VRK2: variants seen among roughly 807,000 people sequenced by gnomAD.
The protein encoded by VRK2 is VRK serine/threonine kinase 2.
In VRK2, 60 loss-of-function variants were observed where a neutral mutation model predicts 57.6. The ratio of observed to expected loss-of-function variants is 1.04; its 90% CI spans 0.85 to 1.29. The LOEUF is 1.29. Ranked by LOEUF, VRK2 falls within the 50% of genes most tolerant of loss-of-function variation. The pLI is 0.00. For synonymous variants in VRK2, 231 were observed against 199.2 expected, an observed-to-expected ratio of 1.16 and a Z score of -1.35; for missense variants, 705 against 588.1, an observed-to-expected ratio of 1.20 and a Z score of -2.06.
chr2:58,022,172 A>G (rs1236874077), intron 1 of VRK2, among the ~76,000 whole-genome samples: 1 of 152,218 alleles, frequency 6.6e-6, no homozygotes, highest in African/African-American at 2.4e-5. Context: ...TCAGGCTCAC[A>G]AAATAGTGTC....
At chr2:57,972,941 T>A (rs1296452623) in intron 1 of VRK2, among the ~76,000 whole-genome samples, 1 of 151,926 alleles carries the variant, frequency 6.6e-6, no homozygotes, top group Non-Finnish European at 1.5e-5. Context: ...GCATTTGGGT[T>A]CTTTCTAGTC....
chr2:57,914,968 T>C (rs1670101113), intron 1 of VRK2, among the ~76,000 whole-genome samples: 2 of 152,150 alleles, frequency 1.3e-5, no homozygotes, highest in South Asian at 4.1e-4. Flanking sequence ...TTGTGATGTT[T>C]ACTGTTGATT....
chr2:58,146,198 T>A (rs1682095634), intron 11 of VRK2, 118 bp from the exon 12 acceptor site: 3 of 890,626 alleles, frequency 3.4e-6, no homozygotes, highest in Non-Finnish European at 4.8e-6. Flanking sequence ...CTTTCCTCTT[T>A]ATTTCCTTTT....
intron 1 of VRK2, among the ~76,000 whole-genome samples, chr2:57,990,900 T>C (rs1672745534): frequency 6.6e-6 from 1 of 150,624 alleles, no homozygotes; most frequent in African/African-American, 2.4e-5. Flanking sequence ...CACACACAAT[T>C]AAACAAAAGT....
At chr2:57,966,633 T>C (rs546980104) in intron 1 of VRK2, among the ~76,000 whole-genome samples, 10 of 152,264 alleles carry the variant, frequency 6.6e-5, no homozygotes, top group Non-Finnish European at 5.9e-5. Flanking sequence ...TAAATATATG[T>C]ACAAACGCTT....
At chr2:57,941,165 T>G (rs1671081376) in intron 1 of VRK2, among the ~76,000 whole-genome samples, 1 of 152,166 alleles carries the variant, frequency 6.6e-6, no homozygotes, top group Non-Finnish European at 1.5e-5. Flanking sequence ...CTGTGGATAA[T>G]CCTTTTGGTC....
At chr2:57,952,681 C>T (rs185833110) in intron 1 of VRK2, among the ~76,000 whole-genome samples, 35 of 151,662 alleles carry the variant, frequency 2.3e-4, no homozygotes, top group African/African-American at 7.5e-4. Flanking sequence ...TCTCATTTGC[C>T]TCTCAAAATA....
intron 2 of VRK2, among the ~76,000 whole-genome samples, chr2:58,052,754 G>T (rs1410877896): frequency 2.0e-5 from 3 of 152,096 alleles, no homozygotes; most frequent in African/African-American, 7.2e-5. Context: ...GTCAGCATAA[G>T]ACTTTATGAC....
chr2:57,927,539 T>C (rs940894783), intron 1 of VRK2, among the ~76,000 whole-genome samples: 1 of 152,198 alleles, frequency 6.6e-6, no homozygotes, highest in Non-Finnish European at 1.5e-5. Context: ...CCTCCCAAAC[T>C]GATGGGCATA....
At chr2:58,059,735 T>G (rs1418395422) in intron 2 of VRK2, among the ~76,000 whole-genome samples, 1 of 151,786 alleles carries the variant, frequency 6.6e-6, no homozygotes, top group African/African-American at 2.4e-5. Context: ...GTTAGAACAT[T>G]TCATGTAGTG....
At chr2:57,988,204 C>G (rs951727333) in intron 1 of VRK2, among the ~76,000 whole-genome samples, 1 of 152,152 alleles carries the variant, frequency 6.6e-6, no homozygotes, top group Non-Finnish European at 1.5e-5. Context: ...TCATACTGTC[C>G]TATTCAAGTT....
chr2:58,114,764 A>G (rs1676161986), intron 7 of VRK2, among the ~76,000 whole-genome samples: 1 of 152,126 alleles, frequency 6.6e-6, no homozygotes, highest in South Asian at 2.1e-4. Flanking sequence ...ATCAGACTGT[A>G]TAGAGGTGGG....
intron 1 of VRK2, among the ~76,000 whole-genome samples, chr2:58,015,887 T>C (rs765670211): frequency 2.0e-5 from 3 of 152,180 alleles, no homozygotes; most frequent in Non-Finnish European, 4.4e-5. Flanking sequence ...CTTCAGACAT[T>C]TGATTTTTAT....
chr2:58,088,595 T>C, intron 6 of VRK2, 149 bp downstream of exon 6: 1 of 675,562 alleles, frequency 1.5e-6, no homozygotes, highest in Non-Finnish European at 2.6e-6. Flanking sequence ...TTTGGTGAAA[T>C]TGATAACAAT....
At chr2:57,947,840 C>A (rs780483329) in intron 1 of VRK2, among the ~76,000 whole-genome samples, 1 of 152,146 alleles carries the variant, frequency 6.6e-6, no homozygotes, top group Admixed American at 6.5e-5. Flanking sequence ...CAAATTATAT[C>A]ATTCTCGTAA....
intron 1 of VRK2, among the ~76,000 whole-genome samples, chr2:57,970,279 TC>T (rs1239634722): frequency 6.6e-6 from 1 of 150,742 alleles, no homozygotes; most frequent in African/African-American, 2.4e-5. Context: ...TTGTATGTTT[TC>T]CCCAAGTCAG....
intron 11 of VRK2, 143 bp downstream of exon 11, chr2:58,139,975 G>T (rs1371772505): frequency 1.2e-6 from 1 of 838,558 alleles, no homozygotes; most frequent in African/African-American, 1.7e-5. Context: ...TCAGCACCAA[G>T]AAAGTTTGTT....
intron 1 of VRK2, among the ~76,000 whole-genome samples, chr2:58,020,212 A>T (rs1673708348): frequency 6.6e-6 from 1 of 152,184 alleles, no homozygotes; most frequent in African/African-American, 2.4e-5. Flanking sequence ...TTGCCAAGAT[A>T]AACTGTTTTG....
At chr2:58,017,583 A>G (rs1348288082) in intron 1 of VRK2, among the ~76,000 whole-genome samples, 1 of 152,120 alleles carries the variant, frequency 6.6e-6, no homozygotes, top group Non-Finnish European at 1.5e-5. Flanking sequence ...CACTATTTGC[A>G]TTTCTCTGAT....
Sources: gnomAD v4.1 joint callset for allele counts (sites outside exome capture counted in the v4.1 genomes callset) on GRCh38, gnomAD v4.1.1 for gene constraint, MANE v1.5 for transcripts, NCBI Gene and HGNC (gene_info 2026-07-23, HGNC 2026-07-21) for gene names.